The following TSFM variants were observed in gnomAD, a reference collection of about 807,000 sequenced individuals.
TSFM encodes the protein Ts translation elongation factor, mitochondrial, also known as elongation factor Ts, mitochondrial.
In TSFM, 29 loss-of-function variants were observed where a neutral mutation model predicts 33.4. The observed-to-expected ratio is 0.87, with a 90% confidence interval of 0.65 to 1.18. The LOEUF (loss-of-function observed/expected upper bound fraction) is 1.18, where lower values mean the gene tolerates loss of function less well. TSFM is among the 50% of genes most tolerant of loss of function. TSFM has a pLI of 0.00. For synonymous variants in TSFM, 178 were observed against 163.5 expected, an observed-to-expected ratio of 1.09 and a Z score of -0.68; for missense variants, 394 against 395.6, an observed-to-expected ratio of 1.00 and a Z score of 0.04.
downstream of TSFM, chr12:57,801,245 G>A (rs1045058727): frequency 3.6e-5 from 57 of 1,584,824 alleles, no homozygotes; most frequent in Non-Finnish European, 4.8e-5. Context: ...ACAGGATGAG[G>A]TCTTTCTTAT....
Position 57,796,622 on chromosome 12 carries a change from T to C in TSFM, c.*39T>C. On this transcript the variant is annotated 3_prime_UTR_variant, in exon 6 of 6. Transcript: ENST00000652027. ...TTGGCCCAGGAGGAATATTTACTTT[T>C]AGCTCTGGACATCATTACAAAAAGG... The C allele has an allele frequency of 7.5e-7, 1 of 1,339,944 alleles. No homozygotes were observed. Among genetic ancestry groups the C allele is most frequent in the Non-Finnish European group, 9.6e-7 (1 of 1,037,910 alleles). The allele number at this position is 1,339,944 out of a possible 1,614,324, so 83.0% of individuals were successfully genotyped here.
At chr12:57,789,239 C>T (rs1036160789) in intron 4 of TSFM, among the ~76,000 whole-genome samples, 3 of 152,124 alleles carry the variant, frequency 2.0e-5, no homozygotes, top group African/African-American at 4.8e-5. Context: ...GCTGGGATTA[C>T]AGGCGTGAGC....
Position 57,796,383 on chromosome 12 carries a change from G to A in TSFM, c.778G>A (p.Val260Met). Residue 260 changes from valine to methionine, a missense_variant, in exon 6 of 6, where the codon GTG becomes ATG. Physicochemically the swap from Val to Met is conservative, Grantham distance 21. Transcript: ENST00000652027. ...EDVGRRLGQH[V>M]VGMAPLSVGS... ...CGTTGGCCGCCGCCTTGGGCAGCATGTGGTGGGCATGGCCCCCCTCTCTGT... is the reference window on the plus strand; with the variant it reads ...CGTTGGCCGCCGCCTTGGGCAGCATATGGTGGGCATGGCCCCCCTCTCTGT... 6.2e-7 allele frequency: 1 copy of A among 1,602,892 alleles called. No individual in the cohort carries two copies. Among genetic ancestry groups the A allele is most frequent in the Non-Finnish European group, 8.5e-7 (1 of 1,174,486 alleles).
rs1466468729 is a variant in TSFM, at chr12:57,783,106, C to T, written c.58-4C>T. 2 of 1,607,720 alleles carry T rather than the reference C, an allele frequency of 1.2e-6. No individual in the cohort carries two copies. Among genetic ancestry groups the T allele is most frequent in the South Asian group, 2.2e-5 (2 of 90,866 alleles). On this transcript the variant is annotated splice_region_variant and splice_polypyrimidine_tract_variant and intron_variant, in intron 1 of 5. Transcript: ENST00000652027. ...GCTCCTCATCCCTTTCTTATCTCATCTAGGCTGGGTCTCTTCTGCGTCAGT... is the reference window on the plus strand; with the variant it reads ...GCTCCTCATCCCTTTCTTATCTCATTTAGGCTGGGTCTCTTCTGCGTCAGT...
intron 5 of TSFM, among the ~76,000 whole-genome samples, chr12:57,793,474 G>A (rs980576570): frequency 9.2e-5 from 14 of 152,162 alleles, no homozygotes; most frequent in African/African-American, 2.9e-4. Context: ...CGCCCGCCTC[G>A]GCCTCCCAAA....
At chr12:57,797,857 T>C, downstream of TSFM, 1 of 1,520,792 alleles carries the variant, frequency 6.6e-7, no homozygotes. Flanking sequence ...TCTGTGGCCT[T>C]GCAATAGGTA....
Position 57,793,079 on chromosome 12 carries a change from T to TA in TSFM, c.571+7dup. The TA allele has an allele frequency of 6.2e-7, 1 of 1,611,602 alleles. No homozygotes were observed. Among genetic ancestry groups the TA allele is most frequent in the Non-Finnish European group, 8.5e-7 (1 of 1,178,396 alleles). On this transcript the variant is annotated splice_region_variant and intron_variant, in intron 5 of 5. Transcript: ENST00000652027. Reference sequence around the variant, plus strand: ...TCAGTTGGCTTTAGCAATTGGTGAGTATTTGTAAAGGTTCTGGAAACTGGA... The same window carrying TA: ...TCAGTTGGCTTTAGCAATTGGTGAGTAATTTGTAAAGGTTCTGGAAACTGGA...
chr12:57,784,960 T>A (rs1955571251), intron 2 of TSFM, among the ~76,000 whole-genome samples: 1 of 131,788 alleles, frequency 7.6e-6, no homozygotes, highest in East Asian at 2.5e-4. Context: ...AGAGTCTTAC[T>A]CTGTCCCCCA....
rs766096901 is a variant in TSFM at position 57,787,063 on chromosome 12, T to A, written c.384T>A (p.Val128=). ...AGGTAAACTGTGAGACAGATTTTGT[T>A]TCTAGAAATTTAAAATTTCAACTGT... ...LVEVNCETDF[V]SRNLKFQLLV... Residue 128 remains valine, a synonymous_variant, in exon 4 of 6, where the codon GTT becomes GTA. Transcript: ENST00000652027. 1.2e-6 allele frequency: 2 copies of A among 1,613,518 alleles called. No individual in the cohort carries two copies. The highest frequency in any genetic ancestry group is 1.1e-5 in the South Asian group (1 of 91,010).
rs894590763 is a variant in TSFM at position 57,797,133 on chromosome 12, AT to A, written c.*552del. The A allele has an allele frequency of 2.1e-5, 21 of 985,280 alleles. No homozygotes were observed. In the Admixed American group the frequency reaches 1.1e-3, roughly 52 times the overall value. The allele number at this position is 985,280 out of a possible 1,614,324, so 61.0% of individuals were successfully genotyped here. On this transcript the variant is annotated 3_prime_UTR_variant, in exon 6 of 6. Coordinates refer to ENST00000652027, the MANE Select transcript of TSFM (RefSeq NM_005726.6). ...ACTGGTTCTGGCCTCATTTAATGAAATTAATAACACATGCCCCTATTTCTCT... is the reference window on the plus strand; with the variant it reads ...ACTGGTTCTGGCCTCATTTAATGAAATAATAACACATGCCCCTATTTCTCT...
intron 4 of TSFM, among the ~76,000 whole-genome samples, chr12:57,792,431 C>A (rs561628808): frequency 2.2e-4 from 33 of 152,030 alleles, no homozygotes; most frequent in Non-Finnish European, 4.4e-4. Context: ...TAGGAAATTA[C>A]ATTCTAGGAA....
chr12:57,785,927 A>C (rs1277478690), intron 2 of TSFM, among the ~76,000 whole-genome samples: 2 of 152,220 alleles, frequency 1.3e-5, no homozygotes, highest in Non-Finnish European at 2.9e-5. Context: ...TAACTGTATA[A>C]AGAAAATACA....
intron 4 of TSFM, among the ~76,000 whole-genome samples, chr12:57,791,007 GA>G (rs1221515900): frequency 6.7e-6 from 1 of 149,114 alleles, no homozygotes; most frequent in Non-Finnish European, 1.5e-5. Flanking sequence ...CACTGGGCCA[GA>G]TTTTTTTTTT....
intron 2 of TSFM, among the ~76,000 whole-genome samples, chr12:57,784,605 G>A (rs1450275224): frequency 1.3e-4 from 20 of 151,640 alleles, no homozygotes; most frequent in Admixed American, 6.6e-5. Flanking sequence ...TTGGCTGGGC[G>A]TGGTGGCTCA....
rs756892244 is a variant in TSFM, at chr12:57,786,241, G to C, written c.310G>C (p.Glu104Gln). ...AAKLQGRKTK[E>Q]GLIGLLQEGN... is the part of the protein sequence containing the mutation. ...CAAGCTCCAAGGGAGGAAGACCAAA[G>C]AAGGCCTGATTGGGCTGTTGCAGGA... Residue 104 changes from glutamate (E) to glutamine (Q), a missense_variant, in exon 3 of 6, where the codon GAA becomes CAA. Transcript: ENST00000652027. 1 of 1,612,144 alleles carries C rather than the reference G, an allele frequency of 6.2e-7. No homozygotes were observed. The highest frequency in any genetic ancestry group is 1.3e-5 in the African/African-American group (1 of 74,930).
chr12:57,783,929 T>C (rs1955552540), intron 2 of TSFM: 1 of 702,748 alleles, frequency 1.4e-6, no homozygotes, highest in Non-Finnish European at 2.6e-6. Context: ...TTTAGACATC[T>C]TAATCTTTCA....
chr12:57,801,126 A>T (rs1300494990), downstream of TSFM: 1 of 1,611,682 alleles, frequency 6.2e-7, no homozygotes, highest in South Asian at 1.1e-5. Context: ...GCTTCTCCCA[A>T]GAGCGAACCC....
chr12:57,797,727 G>A, downstream of TSFM: 2 of 742,916 alleles, frequency 2.7e-6, no homozygotes, highest in African/African-American at 1.8e-5. Context: ...ATGCAAGGAT[G>A]AGAAAAAATG....
chr12:57,797,797 C>T (rs1281983658), downstream of TSFM: 1 of 1,087,870 alleles, frequency 9.2e-7, no homozygotes, highest in Non-Finnish European at 1.3e-6. Context: ...GAATGTCAGG[C>T]AGAAATTGGT....
Sources: gnomAD v4.1 joint callset for allele counts (sites outside exome capture counted in the v4.1 genomes callset) on GRCh38, gnomAD v4.1.1 for gene constraint, MANE v1.5 for transcripts, NCBI Gene and HGNC (gene_info 2026-07-23, HGNC 2026-07-21) for gene names.